The following GPATCH2 variants were observed in gnomAD, a reference collection of about 807,000 sequenced individuals.
GPATCH2 encodes G patch domain-containing protein 2.
Under a neutral mutation model 58.0 loss-of-function variants are expected in GPATCH2, and 51 were observed. The ratio of observed to expected loss-of-function variants is 0.88; its 90% confidence interval spans 0.70 to 1.11. GPATCH2 has a LOEUF of 1.11. Ranked by LOEUF, GPATCH2 falls within the 50% of genes most tolerant of loss-of-function variation. The pLI, the probability that GPATCH2 is intolerant of heterozygous loss-of-function variation, is 0.00. For missense variants in GPATCH2, 625 were observed against 652.2 expected (o/e 0.96, Z 0.45); for synonymous variants, 222 against 218.5 (o/e 1.02, Z -0.14).
chr1:217,493,826 A>G (rs1661869000), intron 7 of GPATCH2, among the ~76,000 whole-genome samples: 1 of 152,206 alleles, frequency 6.6e-6, no homozygotes, highest in Non-Finnish European at 1.5e-5. Flanking sequence ...TCTACATTAA[A>G]TTAATAATAA....
chr1:217,455,110 C>T (rs1659882538), intron 8 of GPATCH2, among the ~76,000 whole-genome samples: 1 of 152,170 alleles, frequency 6.6e-6, no homozygotes, highest in Non-Finnish European at 1.5e-5. Flanking sequence ...CAAACCTGAT[C>T]TTAGCAAGAG....
chr1:217,581,701 C>G (rs570251229), intron 5 of GPATCH2, among the ~76,000 whole-genome samples: 1 of 152,310 alleles, frequency 6.6e-6, no homozygotes, highest in African/African-American at 2.4e-5. Flanking sequence ...GCCTGTAATT[C>G]TAGCACTTTG....
At chr1:217,524,124 C>A (rs574341124) in intron 5 of GPATCH2, among the ~76,000 whole-genome samples, 1 of 150,984 alleles carries the variant, frequency 6.6e-6, no homozygotes, top group African/African-American at 2.5e-5. Context: ...CGGGCAGAGA[C>A]GCTCCTCACT....
intron 6 of GPATCH2, among the ~76,000 whole-genome samples, chr1:217,510,471 T>C (rs1438986581): frequency 2.0e-5 from 3 of 150,764 alleles, no homozygotes; most frequent in African/African-American, 7.3e-5. Context: ...ATATTTAATA[T>C]ATAATAATAT....
chr1:217,572,190 G>C (rs1043297945), intron 5 of GPATCH2, among the ~76,000 whole-genome samples: 2 of 152,164 alleles, frequency 1.3e-5, no homozygotes, highest in Admixed American at 6.5e-5. Context: ...CTGAGGCTTA[G>C]AGAGGATACA....
At chr1:217,568,045 A>T (rs1456355056) in intron 5 of GPATCH2, among the ~76,000 whole-genome samples, 1 of 152,194 alleles carries the variant, frequency 6.6e-6, no homozygotes, top group Non-Finnish European at 1.5e-5. Context: ...TGAACCCAGG[A>T]GGCGGAGCTT....
intron 5 of GPATCH2, 90 bp from the exon 6 acceptor site, chr1:217,514,979 A>G (rs1198968441): frequency 1.4e-6 from 1 of 692,982 alleles, no homozygotes; most frequent in Admixed American, 2.2e-5. Flanking sequence ...TGAAGACATC[A>G]CTCTAAAATG....
At chr1:217,573,079 C>A (rs1262303791) in intron 5 of GPATCH2, among the ~76,000 whole-genome samples, 1 of 152,094 alleles carries the variant, frequency 6.6e-6, no homozygotes, top group African/African-American at 2.4e-5. Context: ...GCTTTTTAAG[C>A]AAATAAAATG....
At chr1:217,529,560 C>A (rs939176704) in intron 5 of GPATCH2, among the ~76,000 whole-genome samples, 4 of 152,200 alleles carry the variant, frequency 2.6e-5, no homozygotes, top group Non-Finnish European at 4.4e-5. Context: ...AGAGCCCTCA[C>A]CAGAAGACAG....
At chr1:217,540,799 AG>A (rs1009926209) in intron 5 of GPATCH2, among the ~76,000 whole-genome samples, 1 of 152,326 alleles carries the variant, frequency 6.6e-6, no homozygotes, top group African/African-American at 2.4e-5. Context: ...ACGTAGCTAA[AG>A]GTGAAAAGAA....
At chr1:217,485,209 G>A (rs138522393) in intron 8 of GPATCH2, among the ~76,000 whole-genome samples, 2 of 152,258 alleles carry the variant, frequency 1.3e-5, no homozygotes, top group African/African-American at 2.4e-5. Flanking sequence ...ATCAAGAGGA[G>A]AAAATAAATT....
intron 9 of GPATCH2, among the ~76,000 whole-genome samples, chr1:217,442,495 GAAAAAC>G (rs1659190478): frequency 6.6e-6 from 1 of 151,926 alleles, no homozygotes; most frequent in African/African-American, 2.4e-5. Flanking sequence ...TATAAGAAAA[GAAAAAC>G]AAAAACAAAA....
rs574799908 is a variant in GPATCH2, at chr1:217,601,876, C to A, written c.1098+8445G>T. Among the ~76,000 whole-genome samples, 43 of 152,244 alleles carry A rather than the reference C, an allele frequency of 2.8e-4. 1 individual carries two copies. The highest frequency in any genetic ancestry group is 8.7e-4 in the African/African-American group (36 of 41,550). Reference sequence around the variant, plus strand: ...CATTAAAATGTAAGCTTCAAGAGATCGTATCTAACTTGTTCATCACTAACA... The same window carrying A: ...CATTAAAATGTAAGCTTCAAGAGATAGTATCTAACTTGTTCATCACTAACA... On this transcript the variant is annotated intron_variant, in intron 5 of 9. Transcript: ENST00000366935.
In GPATCH2 at chr1:217,514,857, T is replaced by C. The variant is rs1663045492; in HGVS notation, c.1131A>G (p.Arg377=). ...VPIPGPVGNK[R]MVHFSPDSHH... is the part of the protein sequence containing the mutation. The stretch of plus-strand genomic sequence containing the variant: ...GAGAATCCGGGGAAAAATGAACCAT[T>C]CTCTTGTTACCCACTGGGCCAGGAA... The change falls in exon 6 of 10, where the codon AGA becomes AGG. Residue 377 remains arginine, a synonymous_variant. Coordinates refer to ENST00000366935, the MANE Select transcript of GPATCH2 (RefSeq NM_018040.5). The C allele has an allele frequency of 6.5e-7, 1 of 1,539,906 alleles. No individual in the cohort carries two copies. Among genetic ancestry groups the C allele is most frequent in the Non-Finnish European group, 9.0e-7 (1 of 1,112,618 alleles).
Position 217,498,310 on chromosome 1 carries a change from T to C in GPATCH2, c.1206+46A>G, listed in dbSNP as rs759201139. ...CTCCTGAAGGGAGACAGTTAAATACTTGAAAGAGGCTGAGTAACTTCCTTT... is the reference window on the plus strand; with the variant it reads ...CTCCTGAAGGGAGACAGTTAAATACCTGAAAGAGGCTGAGTAACTTCCTTT... On this transcript the variant is annotated intron_variant, in intron 7 of 9. Coordinates refer to ENST00000366935, the MANE Select transcript of GPATCH2 (RefSeq NM_018040.5). The C allele has an allele frequency of 1.4e-5, 21 of 1,454,456 alleles. No homozygotes were observed. The Admixed American group carries it at 1.5e-4, about 10-fold the overall frequency. 90.1% of individuals were successfully genotyped at this position (1,454,456 alleles called of 1,614,324 possible).
rs138847054 is a variant in GPATCH2 at position 217,487,093 on chromosome 1, T to C, written c.1277+4587A>G. Among the ~76,000 whole-genome samples the C allele has an allele frequency of 3.7e-3, 557 of 152,312 alleles. 5 individuals carry two copies. Among genetic ancestry groups the C allele is most frequent in the Middle Eastern group, 0.014 (4 of 294 alleles). On this transcript the variant is annotated intron_variant, in intron 8 of 9. Transcript: ENST00000366935. ...ATTCTCCCTGTATTTCATATTTTAT[T>C]TTCCCTCAGCCAGGCTGGATTGCCT...
At chr1:217,525,261 C>T (rs1397822436) in intron 5 of GPATCH2, among the ~76,000 whole-genome samples, 1 of 151,988 alleles carries the variant, frequency 6.6e-6, no homozygotes, top group Non-Finnish European at 1.5e-5. Context: ...ATCTAGCTGA[C>T]ATATAAGATA....
At chr1:217,476,123 A>C (rs1276749707) in intron 8 of GPATCH2, among the ~76,000 whole-genome samples, 1 of 152,186 alleles carries the variant, frequency 6.6e-6, no homozygotes, top group East Asian at 1.9e-4. Context: ...AAACAATGAT[A>C]ACCAGAACTA....
intron 5 of GPATCH2, among the ~76,000 whole-genome samples, chr1:217,596,570 A>G (rs563290473): frequency 3.9e-5 from 6 of 152,360 alleles, no homozygotes; most frequent in Admixed American, 3.3e-4. Flanking sequence ...AATAAATGTT[A>G]GCTATTATAA....
Sources: gnomAD v4.1 joint callset for allele counts (sites outside exome capture counted in the v4.1 genomes callset) on GRCh38, gnomAD v4.1.1 for gene constraint, MANE v1.5 for transcripts, NCBI Gene and HGNC (gene_info 2026-07-23, HGNC 2026-07-21) for gene names.